Variants in SCHIP1 observed in about 807,000 individuals in gnomAD.
SCHIP1 encodes schwannomin-interacting protein 1.
Under a neutral mutation model 29.7 loss-of-function variants are expected in SCHIP1, and 8 were observed. The ratio of observed to expected loss-of-function variants is 0.27; its 90% confidence interval spans 0.16 to 0.49. SCHIP1 has a LOEUF of 0.49. SCHIP1 is among the 20% of genes least tolerant of loss of function. The pLI, the probability that SCHIP1 is intolerant of heterozygous loss-of-function variation, is 0.99. For missense variants in SCHIP1, 193 were observed against 294.6 expected, an observed-to-expected ratio of 0.66 and a Z score of 2.52; for synonymous variants, 76 against 94.9, an observed-to-expected ratio of 0.80 and a Z score of 1.16.
At chr3:159,626,156 ATATATCTAGATATATCTATCTATC>A in the SCHIP1 span, among the ~76,000 whole-genome samples, 12 of 116,486 alleles carry the variant, frequency 1.0e-4, no homozygotes, top group African/African-American at 7.6e-4. Context: ...AGATATATAT[ATATATCTAGATATATCTATCTATC>A]TAGATAGATA....
At chr3:159,526,991 C>A in the SCHIP1 span, among the ~76,000 whole-genome samples, 6 of 152,202 alleles carry the variant, frequency 3.9e-5, no homozygotes, top group Non-Finnish European at 7.3e-5. Context: ...TCTCATGTCA[C>A]CATGCTTCTG....
the SCHIP1 span, among the ~76,000 whole-genome samples, chr3:159,492,607 G>C: frequency 6.6e-6 from 1 of 152,202 alleles, no homozygotes; most frequent in African/African-American, 2.4e-5. Context: ...TATTTGAAAA[G>C]ACCAAAACTA....
At chr3:159,375,925 T>C in the SCHIP1 span, 1 of 177,124 alleles carries the variant, frequency 5.6e-6, no homozygotes, top group African/African-American at 2.4e-5. Flanking sequence ...TCCAATAATG[T>C]TGAAGAAGCA....
At chr3:159,719,283 G>A in the SCHIP1 span, among the ~76,000 whole-genome samples, 11 of 152,232 alleles carry the variant, frequency 7.2e-5, no homozygotes, top group East Asian at 1.5e-3. Flanking sequence ...AAAAACCCTA[G>A]AAGAAAACCT....
the SCHIP1 span, among the ~76,000 whole-genome samples, chr3:159,787,838 A>G: frequency 6.6e-6 from 1 of 152,144 alleles, no homozygotes; most frequent in South Asian, 2.1e-4. Context: ...CCCTCTGGCC[A>G]CTGTTGTCCA....
chr3:159,322,614 G>T, the SCHIP1 span, among the ~76,000 whole-genome samples: 1 of 152,194 alleles, frequency 6.6e-6, no homozygotes, highest in Non-Finnish European at 1.5e-5. Flanking sequence ...CCATTCCTTA[G>T]AAAGGAATAT....
chr3:159,750,296 T>TATAC, the SCHIP1 span, among the ~76,000 whole-genome samples: 534 of 132,634 alleles, frequency 4.0e-3, 2 homozygotes, highest in Non-Finnish European at 6.8e-3. Flanking sequence ...TATATATATA[T>TATAC]ACACACACAC....
At chr3:159,893,930 G>A (rs1458233749) in intron 6 of SCHIP1, 2 of 152,148 alleles carry the variant, frequency 1.3e-5, no homozygotes, top group Non-Finnish European at 2.9e-5. Flanking sequence ...CATCCCTAAA[G>A]GCAGCAGCCC....
chr3:159,342,332 G>C, the SCHIP1 span, among the ~76,000 whole-genome samples: 1 of 152,116 alleles, frequency 6.6e-6, no homozygotes, highest in South Asian at 2.1e-4. Flanking sequence ...TTTAGATAAA[G>C]CTAAGTTTCA....
intron 1 of SCHIP1, among the ~76,000 whole-genome samples, chr3:159,844,586 A>G (rs1373708904): frequency 6.6e-6 from 1 of 152,246 alleles, no homozygotes. Flanking sequence ...TCTTCAGGAA[A>G]GAAACTTGCC....
chr3:159,655,661 G>C, the SCHIP1 span, among the ~76,000 whole-genome samples: 222 of 152,210 alleles, frequency 1.5e-3, 5 homozygotes, highest in South Asian at 0.044. Flanking sequence ...AGGCTGAAGC[G>C]GGAGAATCAT....
At chr3:159,616,895 C>A in the SCHIP1 span, among the ~76,000 whole-genome samples, 637 of 152,204 alleles carry the variant, frequency 4.2e-3, 6 homozygotes, top group African/African-American at 0.015. Context: ...TAGCCATTTA[C>A]ATTTTAATTA....
intron 2 of SCHIP1, among the ~76,000 whole-genome samples, chr3:159,871,312 CT>C (rs1280465583): frequency 5.0e-5 from 6 of 119,656 alleles, no homozygotes; most frequent in Non-Finnish European, 9.5e-5. Flanking sequence ...GTACCCATCA[CT>C]TTGTCCGGTC....
chr3:159,714,953 G>A, the SCHIP1 span, among the ~76,000 whole-genome samples: 1 of 152,188 alleles, frequency 6.6e-6, no homozygotes. Context: ...TCCTCAAGTG[G>A]GCCCCTAACC....
the SCHIP1 span, among the ~76,000 whole-genome samples, chr3:159,446,123 G>A: frequency 6.6e-6 from 1 of 152,022 alleles, no homozygotes; most frequent in Non-Finnish European, 1.5e-5. Flanking sequence ...CTTTAGGCCG[G>A]TGGTTTGCAA....
chr3:159,679,386 A>C, the SCHIP1 span, among the ~76,000 whole-genome samples: 1 of 152,218 alleles, frequency 6.6e-6, no homozygotes, highest in Non-Finnish European at 1.5e-5. Context: ...TCGACAGTTT[A>C]TTTCACCTCA....
At chr3:159,440,613 A>C in the SCHIP1 span, among the ~76,000 whole-genome samples, 1 of 152,008 alleles carries the variant, frequency 6.6e-6, no homozygotes, top group African/African-American at 2.4e-5. Flanking sequence ...CCCAATTTTA[A>C]TTCATTACTA....
At chr3:159,471,698 A>T in the SCHIP1 span, among the ~76,000 whole-genome samples, 1 of 152,172 alleles carries the variant, frequency 6.6e-6, no homozygotes, top group Non-Finnish European at 1.5e-5. Flanking sequence ...TTAACAAGAA[A>T]ACATTAAAAC....
the SCHIP1 span, among the ~76,000 whole-genome samples, chr3:159,277,957 G>T: frequency 6.6e-6 from 1 of 151,770 alleles, no homozygotes; most frequent in African/African-American, 2.4e-5. Flanking sequence ...CAACGGTATA[G>T]GAATAAAGCA....
Sources: allele counts gnomAD v4.1 joint callset (sites outside exome capture counted in the v4.1 genomes callset), GRCh38; gene constraint gnomAD v4.1.1; transcripts MANE v1.5; gene names NCBI Gene and HGNC (gene_info 2026-07-23, HGNC 2026-07-21).